Variants in KLHL32 observed in about 807,000 individuals in gnomAD.
KLHL32 encodes the protein kelch-like protein 32.
Under a neutral mutation model 64.8 loss-of-function variants are expected in KLHL32, and 35 were observed. The observed-to-expected ratio is 0.54, with a 90% CI of 0.41 to 0.72. KLHL32 has a LOEUF of 0.72. Ranked by LOEUF, KLHL32 falls within the 30% of genes least tolerant of loss-of-function variation. KLHL32 has a pLI of 0.00. For missense variants in KLHL32, 589 were observed against 768.5 expected (o/e 0.77, Z 2.76); for synonymous variants, 259 against 281.0 (o/e 0.92, Z 0.78).
intron 1 of KLHL32, among the ~76,000 whole-genome samples, chr6:96,957,816 T>G (rs1002836180): frequency 2.0e-5 from 3 of 152,232 alleles, no homozygotes; most frequent in Non-Finnish European, 2.9e-5. Context: ...AGATACCTTA[T>G]CCTTATTCTT....
At chr6:96,988,695 G>C (rs1777439483) in intron 3 of KLHL32, among the ~76,000 whole-genome samples, 1 of 152,222 alleles carries the variant, frequency 6.6e-6, no homozygotes, top group Non-Finnish European at 1.5e-5. Context: ...CAAAGACTTG[G>C]AACCAACCCA....
chr6:97,037,521 T>C (rs1249777909), intron 3 of KLHL32, among the ~76,000 whole-genome samples: 2 of 152,088 alleles, frequency 1.3e-5, no homozygotes, highest in Non-Finnish European at 2.9e-5. Context: ...AAAACACTGA[T>C]GAAAGAAGAT....
At chr6:96,911,619 T>C in the KLHL32 span, among the ~76,000 whole-genome samples, 1 of 152,148 alleles carries the variant, frequency 6.6e-6, no homozygotes, top group Admixed American at 6.5e-5. Flanking sequence ...GCCTCCCATT[T>C]ACTCCTCACC....
At chr6:97,090,018 T>C (rs1179990853) in intron 6 of KLHL32, among the ~76,000 whole-genome samples, 1 of 152,136 alleles carries the variant, frequency 6.6e-6, no homozygotes, top group Non-Finnish European at 1.5e-5. Context: ...CCTATTTTAG[T>C]GTGGCAAAGA....
intron 3 of KLHL32, among the ~76,000 whole-genome samples, chr6:96,996,187 C>T (rs1251745552): frequency 6.6e-6 from 1 of 152,230 alleles, no homozygotes; most frequent in Non-Finnish European, 1.5e-5. Context: ...TCTCCATGAA[C>T]GCCTACAGTT....
chr6:96,996,181 C>A (rs1193281156), intron 3 of KLHL32, among the ~76,000 whole-genome samples: 2 of 152,266 alleles, frequency 1.3e-5, no homozygotes, highest in East Asian at 3.8e-4. Flanking sequence ...CTTAAATCTC[C>A]ATGAACGCCT....
At chr6:96,902,143 G>A in the KLHL32 span, among the ~76,000 whole-genome samples, 2 of 152,154 alleles carry the variant, frequency 1.3e-5, no homozygotes, top group Non-Finnish European at 2.9e-5. Flanking sequence ...TCTGCCTCTA[G>A]GTTTCTGGGG....
rs546868180 is a variant in KLHL32 at position 97,128,196 on chromosome 6, T to G, written c.1413+734T>G. On this transcript the variant is annotated intron_variant, in intron 8 of 10. Coordinates refer to ENST00000369261, the MANE Select transcript of KLHL32 (RefSeq NM_052904.4). ...ACACAACAGGTTGGCTTTGGCAGTC[T>G]GGGTTGGGACTGGCCACCAAATCTA... Among the ~76,000 whole-genome samples, 6 of 152,360 alleles carry G rather than the reference T, an allele frequency of 3.9e-5. No homozygotes were observed. The East Asian group carries it at 1.2e-3, about 29-fold the overall frequency.
chr6:97,087,101 CT>C (rs55940817), intron 6 of KLHL32, among the ~76,000 whole-genome samples: 4,583 of 152,216 alleles, frequency 0.03, 79 homozygotes, highest in East Asian at 0.07. Flanking sequence ...TTAAAAGCTG[CT>C]TTCTGCTGCA....
chr6:97,020,465 C>A (rs1562250390), intron 3 of KLHL32, among the ~76,000 whole-genome samples: 1 of 150,608 alleles, frequency 6.6e-6, no homozygotes, highest in Admixed American at 6.6e-5. Context: ...ATTTTGTTGA[C>A]AAAATAAGCA....
intron 1 of KLHL32, among the ~76,000 whole-genome samples, chr6:96,957,961 C>A (rs865803728): frequency 1.3e-5 from 2 of 152,144 alleles, no homozygotes; most frequent in Non-Finnish European, 2.9e-5. Flanking sequence ...ATACATTGTA[C>A]TTTTACTTTA....
At chr6:96,954,291 G>A (rs1259163770) in intron 1 of KLHL32, among the ~76,000 whole-genome samples, 1 of 109,002 alleles carries the variant, frequency 9.2e-6, no homozygotes, top group African/African-American at 3.4e-5. Context: ...GGAAAAAATT[G>A]TTTTAGTTTT....
intron 5 of KLHL32, among the ~76,000 whole-genome samples, chr6:97,070,930 TA>T (rs1790618616): frequency 6.6e-6 from 1 of 152,162 alleles, no homozygotes; most frequent in South Asian, 2.1e-4. Flanking sequence ...CACCCATCTG[TA>T]AATATTTCTA....
At chr6:96,998,218 A>G (rs1400183725) in intron 3 of KLHL32, among the ~76,000 whole-genome samples, 2 of 152,230 alleles carry the variant, frequency 1.3e-5, no homozygotes, top group African/African-American at 4.8e-5. Context: ...TATGAATATT[A>G]AAAGCCTTTT....
intron 4 of KLHL32, among the ~76,000 whole-genome samples, chr6:97,059,154 G>A (rs866107090): frequency 7.9e-5 from 12 of 152,222 alleles, no homozygotes; most frequent in Non-Finnish European, 1.3e-4. Context: ...GGGGTGGGGA[G>A]AGATCTTGCC....
intron 4 of KLHL32, among the ~76,000 whole-genome samples, chr6:97,042,972 C>T (rs1408601211): frequency 6.6e-6 from 1 of 152,160 alleles, no homozygotes; most frequent in African/African-American, 2.4e-5. Context: ...CCTGAAAAAG[C>T]TATTTATTAA....
chr6:96,930,375 G>A (rs1465486340), intron 1 of KLHL32, among the ~76,000 whole-genome samples: 1 of 152,118 alleles, frequency 6.6e-6, no homozygotes, highest in African/African-American at 2.4e-5. Flanking sequence ...ATACTTCTTG[G>A]TTCTGTGACT....
chr6:96,911,073 G>A, the KLHL32 span, among the ~76,000 whole-genome samples: 4 of 152,054 alleles, frequency 2.6e-5, no homozygotes, highest in Non-Finnish European at 5.9e-5. Context: ...TTCTGAATTA[G>A]TTTTCTAGGG....
At chr6:96,911,820 C>A in the KLHL32 span, among the ~76,000 whole-genome samples, 1 of 63,386 alleles carries the variant, frequency 1.6e-5, no homozygotes, top group Non-Finnish European at 3.4e-5. Context: ...CCTGCTCGGT[C>A]CTTCTTTTTT....
Sources: gnomAD v4.1 joint callset for allele counts (sites outside exome capture counted in the v4.1 genomes callset) on GRCh38, gnomAD v4.1.1 for gene constraint, MANE v1.5 for transcripts, NCBI Gene and HGNC (gene_info 2026-07-23, HGNC 2026-07-21) for gene names.